Variants in KLHL1 observed in about 807,000 individuals in gnomAD.
KLHL1 encodes the protein kelch-like protein 1.
KLHL1 carries 47 observed loss-of-function variants against 77.7 expected under a neutral mutation model. The observed-to-expected ratio is 0.60, with a 90% CI of 0.48 to 0.77. The LOEUF (loss-of-function observed/expected upper bound fraction) is 0.77. Ranked by LOEUF, KLHL1 falls within the 30% of genes least tolerant of loss-of-function variation. The probability of loss-of-function intolerance (pLI) is 0.00; values close to 1 mark genes in which losing one functional copy is unlikely to be tolerated. For missense variants in KLHL1, 925 were observed against 910.8 expected, an observed-to-expected ratio of 1.02 and a Z score of -0.20; for synonymous variants, 360 against 325.2, an observed-to-expected ratio of 1.11 and a Z score of -1.15.
intron 4 of KLHL1, among the ~76,000 whole-genome samples, chr13:69,887,142 C>T (rs1056112590): frequency 7.2e-5 from 11 of 152,058 alleles, no homozygotes; most frequent in African/African-American, 2.7e-4. Flanking sequence ...CCTTAAGCGT[C>T]CTTTGCAAGC....
At chr13:69,728,816 A>C (rs1253177286) in intron 8 of KLHL1, among the ~76,000 whole-genome samples, 1 of 151,920 alleles carries the variant, frequency 6.6e-6, no homozygotes, top group Admixed American at 6.6e-5. Flanking sequence ...TCAAAAAAAA[A>C]ATTATTAACA....
At chr13:69,841,279 C>A (rs1879253263) in intron 5 of KLHL1, among the ~76,000 whole-genome samples, 1 of 151,712 alleles carries the variant, frequency 6.6e-6, no homozygotes. Context: ...TCAAGTTTCT[C>A]CTGTTTACTG....
intron 1 of KLHL1, among the ~76,000 whole-genome samples, chr13:70,084,464 CT>C (rs1266369112): frequency 1.9e-4 from 24 of 129,042 alleles, no homozygotes; most frequent in South Asian, 2.3e-4. Flanking sequence ...TCTTCTTCTT[CT>C]TTTTTTTTTT....
intron 2 of KLHL1, among the ~76,000 whole-genome samples, chr13:69,962,185 T>A (rs1485523645): frequency 6.6e-6 from 1 of 152,000 alleles, no homozygotes; most frequent in East Asian, 1.9e-4. Context: ...CTATATAGAT[T>A]CTTGGTTGAT....
At chr13:69,954,113 G>A (rs1883795001) in intron 3 of KLHL1, among the ~76,000 whole-genome samples, 1 of 151,240 alleles carries the variant, frequency 6.6e-6, no homozygotes, top group South Asian at 2.1e-4. Flanking sequence ...TTAATGAGAA[G>A]CAAGAAATAG....
At position 69,838,537 on chromosome 13, in the gene KLHL1, C is replaced by T. The variant is rs189258171; in HGVS notation, c.1414+439G>A. Among the ~76,000 whole-genome samples, 293 of 151,854 alleles carry T rather than the reference C, an allele frequency of 1.9e-3. 2 individuals are homozygous for T. Among genetic ancestry groups the T allele is most frequent in the African/African-American group, 6.6e-3 (275 of 41,520 alleles). The stretch of plus-strand genomic sequence containing the variant: ...AATTAAACTTATAAATTATAACTTT[C>T]ACCATTCTTATACTTCTTTATAATT... On this transcript the variant is annotated intron_variant, in intron 6 of 10. Transcript: ENST00000377844.
intron 7 of KLHL1, among the ~76,000 whole-genome samples, chr13:69,778,494 A>G (rs1875949514): frequency 6.6e-6 from 1 of 151,782 alleles, no homozygotes; most frequent in African/African-American, 2.4e-5. Flanking sequence ...CGAATATAGT[A>G]TCTTATATTC....
Position 69,766,744 on chromosome 13 carries a change from T to C in KLHL1, c.1640-26188A>G, listed in dbSNP as rs967969645. Among the ~76,000 whole-genome samples, 9 of 152,222 alleles carry C rather than the reference T, an allele frequency of 5.9e-5. No homozygotes were observed. The East Asian group carries it at 1.7e-3, about 29-fold the overall frequency. On this transcript the variant is annotated intron_variant, in intron 7 of 10. Coordinates refer to ENST00000377844, the MANE Select transcript of KLHL1 (RefSeq NM_020866.3). ...TGGAAAATGGATTAGATTCTCTTAA[T>C]GATATTTTTGGGTTGTCATAGTGCA...
At chr13:69,991,002 G>T (rs892991462) in intron 1 of KLHL1, among the ~76,000 whole-genome samples, 1 of 151,828 alleles carries the variant, frequency 6.6e-6, no homozygotes, top group African/African-American at 2.4e-5. Flanking sequence ...CAAGAAAATT[G>T]CTCAAAACCA....
At chr13:69,852,827 G>T (rs1027512238) in intron 5 of KLHL1, among the ~76,000 whole-genome samples, 3 of 151,970 alleles carry the variant, frequency 2.0e-5, no homozygotes, top group African/African-American at 7.2e-5. Context: ...GGTATGAAAT[G>T]AGTTGTTCAA....
chr13:69,744,144 A>G (rs546497261), intron 7 of KLHL1, among the ~76,000 whole-genome samples: 3 of 152,190 alleles, frequency 2.0e-5, no homozygotes, highest in African/African-American at 7.2e-5. Flanking sequence ...AGAGAATGTA[A>G]CAGAGAACAT....
At chr13:70,045,991 TAGTTA>T (rs947500791) in intron 1 of KLHL1, among the ~76,000 whole-genome samples, 1 of 152,216 alleles carries the variant, frequency 6.6e-6, no homozygotes, top group Non-Finnish European at 1.5e-5. Flanking sequence ...AACTATATTC[TAGTTA>T]AGTTGTTTTT....
intron 1 of KLHL1, among the ~76,000 whole-genome samples, chr13:70,072,255 T>A (rs1446778528): frequency 6.6e-6 from 1 of 152,006 alleles, no homozygotes; most frequent in Non-Finnish European, 1.5e-5. Context: ...CAAGGAAAAA[T>A]AAATATCTGT....
intron 1 of KLHL1, among the ~76,000 whole-genome samples, chr13:70,095,722 A>G (rs188228079): frequency 1.1e-4 from 17 of 152,248 alleles, no homozygotes; most frequent in African/African-American, 3.8e-4. Context: ...TTGAGAGGAC[A>G]ATAAATTATT....
intron 1 of KLHL1, among the ~76,000 whole-genome samples, chr13:69,979,920 T>C (rs1278605912): frequency 6.6e-6 from 1 of 152,182 alleles, no homozygotes; most frequent in Non-Finnish European, 1.5e-5. Flanking sequence ...TGTCTTCACA[T>C]CTTAACTTCA....
chr13:70,092,149 T>C (rs1055763693), intron 1 of KLHL1, among the ~76,000 whole-genome samples: 5 of 152,166 alleles, frequency 3.3e-5, no homozygotes, highest in African/African-American at 1.2e-4. Context: ...TTTCAGCCTA[T>C]GCAATTGAGC....
At chr13:69,930,514 T>C (rs1449716031) in intron 4 of KLHL1, among the ~76,000 whole-genome samples, 1 of 151,794 alleles carries the variant, frequency 6.6e-6, no homozygotes. Context: ...TCTTGCTGAA[T>C]AATTAAGAAA....
chr13:69,962,090 C>A (rs761935257), intron 2 of KLHL1, among the ~76,000 whole-genome samples: 14 of 151,914 alleles, frequency 9.2e-5, no homozygotes, highest in Middle Eastern at 3.5e-3. Context: ...CATATAAATT[C>A]ATTCCATCTA....
chr13:69,934,138 A>G (rs1239252062), intron 4 of KLHL1, among the ~76,000 whole-genome samples: 1 of 152,140 alleles, frequency 6.6e-6, no homozygotes, highest in Non-Finnish European at 1.5e-5. Flanking sequence ...TAAATTTAAT[A>G]TATTTAACAC....
Sources: gnomAD v4.1 joint callset for allele counts (sites outside exome capture counted in the v4.1 genomes callset) on GRCh38, gnomAD v4.1.1 for gene constraint, MANE v1.5 for transcripts, NCBI Gene and HGNC (gene_info 2026-07-23, HGNC 2026-07-21) for gene names.